CSMD1: variants seen among roughly 807,000 people sequenced by gnomAD.
CSMD1 encodes the protein CUB and Sushi multiple domains 1.
A neutral mutation model predicts 417.5 loss-of-function variants in CSMD1; 213 were observed. The observed-to-expected ratio is 0.51, with a 90% confidence interval of 0.46 to 0.57. The LOEUF (loss-of-function observed/expected upper bound fraction) is 0.57, where lower values mean the gene tolerates loss of function less well. Ranked by LOEUF, CSMD1 falls within the 20% of genes least tolerant of loss-of-function variation. The pLI is 0.00. For synonymous variants in CSMD1, 2,862 were observed against 1,736.8 expected (o/e 1.65, Z -16.11); for missense variants, 6,923 against 4,529.7 (o/e 1.53, Z -15.17).
intron 52 of CSMD1, among the ~76,000 whole-genome samples, chr8:3,009,708 T>G (rs537205439): frequency 6.6e-6 from 1 of 152,144 alleles, no homozygotes. Flanking sequence ...AGCCCATGCA[T>G]AGATATGCAT....
chr8:3,630,990 G>C lies in CSMD1; in HGVS notation c.1010-14193C>G, dbSNP rs77327801. On this transcript the variant is annotated intron_variant, in intron 7 of 69. Transcript: ENST00000635120. ...GCATGGGAATCATTGATGTGACCTAGAATGGGACTCAGCACCATGTTGAAC... is the reference window on the plus strand; with the variant it reads ...GCATGGGAATCATTGATGTGACCTACAATGGGACTCAGCACCATGTTGAAC... Among the ~76,000 whole-genome samples, 652 of 152,266 alleles carry C rather than the reference G, an allele frequency of 4.3e-3. 3 individuals carry two copies. The highest frequency in any genetic ancestry group is 0.014 in the African/African-American group (601 of 41,552).
At chr8:3,864,390 G>C (rs1804937276) in intron 5 of CSMD1, among the ~76,000 whole-genome samples, 1 of 152,114 alleles carries the variant, frequency 6.6e-6, no homozygotes, top group African/African-American at 2.4e-5. Flanking sequence ...TTAATCAAAA[G>C]GTGCAAAGAT....
At chr8:4,317,486 C>T (rs80332337) in intron 3 of CSMD1, among the ~76,000 whole-genome samples, 2 of 152,142 alleles carry the variant, frequency 1.3e-5, no homozygotes, top group South Asian at 2.1e-4. Context: ...CATGTACATG[C>T]ACAATCACTA....
chr8:4,848,552 T>C (rs1490803563), intron 1 of CSMD1, among the ~76,000 whole-genome samples: 3 of 152,124 alleles, frequency 2.0e-5, no homozygotes, highest in African/African-American at 4.8e-5. Flanking sequence ...CTTTTTTTTT[T>C]TTTTGAGACG....
intron 23 of CSMD1, among the ~76,000 whole-genome samples, chr8:3,312,337 C>CTTGT (rs1805415162): frequency 6.6e-6 from 1 of 152,050 alleles, no homozygotes; most frequent in Non-Finnish European, 1.5e-5. Flanking sequence ...GATGCCTTTT[C>CTTGT]TTGTTTTTGC....
chr8:3,213,994 C>T (rs1467867381), intron 30 of CSMD1, among the ~76,000 whole-genome samples: 2 of 151,862 alleles, frequency 1.3e-5, no homozygotes, highest in African/African-American at 4.8e-5. Flanking sequence ...CACAGGCACG[C>T]ACCACCACAC....
chr8:4,938,858 C>A (rs576438291), intron 1 of CSMD1, among the ~76,000 whole-genome samples: 8 of 152,278 alleles, frequency 5.3e-5, no homozygotes, highest in African/African-American at 1.9e-4. Flanking sequence ...CGTGATGTTA[C>A]TCAGTGGTTT....
At chr8:4,899,940 G>C (rs915027791) in intron 1 of CSMD1, among the ~76,000 whole-genome samples, 2 of 152,116 alleles carry the variant, frequency 1.3e-5, no homozygotes, top group Non-Finnish European at 2.9e-5. Context: ...GTTCACAGTA[G>C]GCCTTTAAGA....
intron 6 of CSMD1, among the ~76,000 whole-genome samples, chr8:3,720,880 C>T (rs765378726): frequency 2.3e-4 from 34 of 150,548 alleles, no homozygotes; most frequent in Non-Finnish European, 4.3e-4. Flanking sequence ...GGCGTGATCT[C>T]GGCTCACTGC....
intron 2 of CSMD1, among the ~76,000 whole-genome samples, chr8:4,587,511 A>G (rs1180219589): frequency 1.3e-5 from 2 of 152,118 alleles, no homozygotes; most frequent in African/African-American, 2.4e-5. Flanking sequence ...ATATGCACAC[A>G]TGAATTTCTC....
intron 2 of CSMD1, among the ~76,000 whole-genome samples, chr8:4,470,117 G>A (rs953098156): frequency 6.6e-6 from 1 of 151,930 alleles, no homozygotes. Flanking sequence ...TGATCCGCCC[G>A]CCTCGGCCTC....
intron 11 of CSMD1, among the ~76,000 whole-genome samples, chr8:3,478,647 C>T (rs1004563067): frequency 2.0e-5 from 3 of 152,130 alleles, no homozygotes; most frequent in African/African-American, 4.8e-5. Context: ...AACAGAAGGA[C>T]CCCAGCAAGC....
chr8:4,909,152 G>C (rs1318113969), intron 1 of CSMD1, among the ~76,000 whole-genome samples: 1 of 152,172 alleles, frequency 6.6e-6, no homozygotes, highest in African/African-American at 2.4e-5. Context: ...AGAGAGGACT[G>C]TCCCTGGCAG....
intron 51 of CSMD1, among the ~76,000 whole-genome samples, chr8:3,027,361 T>C (rs1001129034): frequency 3.9e-5 from 6 of 152,026 alleles, no homozygotes; most frequent in Admixed American, 2.0e-4. Context: ...GTAAGAAAAA[T>C]TCCAGATAAC....
intron 1 of CSMD1, among the ~76,000 whole-genome samples, chr8:4,779,639 C>T (rs1797046618): frequency 6.6e-6 from 1 of 152,190 alleles, no homozygotes; most frequent in African/African-American, 2.4e-5. Context: ...GCTTCTCTGG[C>T]AAGCTGGCTT....
intron 6 of CSMD1, among the ~76,000 whole-genome samples, chr8:3,720,592 C>T (rs1802097204): frequency 1.4e-5 from 2 of 143,306 alleles, no homozygotes; most frequent in South Asian, 2.3e-4. Context: ...AGAAACCTCA[C>T]AGCATTGGTG....
intron 2 of CSMD1, among the ~76,000 whole-genome samples, chr8:4,459,304 G>C (rs1402656193): frequency 1.3e-5 from 2 of 152,200 alleles, no homozygotes; most frequent in East Asian, 3.8e-4. Flanking sequence ...GGCATATAAG[G>C]TGAAGGTTCT....
At chr8:3,495,003 T>G (rs1039783779) in intron 10 of CSMD1, among the ~76,000 whole-genome samples, 2 of 152,192 alleles carry the variant, frequency 1.3e-5, no homozygotes, top group African/African-American at 2.4e-5. Flanking sequence ...AGGAATACAT[T>G]ACATTTGCTA....
rs7002255 is a variant in CSMD1, at chr8:4,702,495, T to C, written c.86-64937A>G. Among the ~76,000 whole-genome samples the C allele has an allele frequency of 5.0e-3, 756 of 152,258 alleles. 8 individuals carry two copies. The highest frequency in any genetic ancestry group is 0.018 in the African/African-American group (728 of 41,544). ...TCAGTCAAAATGTTGCTGCTGTTTT[T>C]AATAACAGGGAAAATAAAAATATTT... On this transcript the variant is annotated intron_variant, in intron 1 of 69. Transcript: ENST00000635120.
Sources: gnomAD v4.1 joint callset for allele counts (sites outside exome capture counted in the v4.1 genomes callset) on GRCh38, gnomAD v4.1.1 for gene constraint, MANE v1.5 for transcripts, NCBI Gene and HGNC (gene_info 2026-07-23, HGNC 2026-07-21) for gene names.